Variants in SLC25A4 observed in about 807,000 individuals in gnomAD.
SLC25A4 encodes the protein ADP/ATP translocase 1.
A neutral mutation model predicts 24.7 loss-of-function variants in SLC25A4; 10 were observed. The ratio of observed to expected loss-of-function variants is 0.41; its 90% confidence interval spans 0.25 to 0.69. SLC25A4 has a LOEUF of 0.69. Ranked by LOEUF, SLC25A4 falls within the 30% of genes least tolerant of loss-of-function variation. The pLI is 0.35. For missense variants in SLC25A4, 273 were observed against 387.6 expected (o/e 0.70, Z 2.48); for synonymous variants, 125 against 153.3 (o/e 0.82, Z 1.36).
In SLC25A4 at chr4:185,143,269, C is replaced by T. The variant is rs975492300; in HGVS notation, c.-104C>T. ...GGGGAGCTGCGGGCCAGGCGGCGGC[C>T]CCCTAGCGTCGCGCAGGGTCGGGGA... On this transcript the variant is annotated 5_prime_UTR_variant, in exon 1 of 4. Coordinates refer to ENST00000281456, the MANE Select transcript of SLC25A4 (RefSeq NM_001151.4). 8 of 605,936 alleles carry T rather than the reference C, an allele frequency of 1.3e-5. No individual in the cohort carries two copies. Among genetic ancestry groups the T allele is most frequent in the Non-Finnish European group, 2.1e-5 (7 of 339,412 alleles). 37.5% of individuals were successfully genotyped at this position (605,936 alleles called of 1,614,324 possible). A position where few individuals can be genotyped will look rare whatever the true frequency, so the allele number is the denominator to read the frequency against.
At chr4:185,146,020 GGGAA>G (rs1299519199) in intron 3 of SLC25A4, 121 bp downstream of exon 3, 3 of 1,218,618 alleles carry the variant, frequency 2.5e-6, no homozygotes, top group Non-Finnish European at 3.5e-6. Context: ...TAAGGACTTA[GGGAA>G]GAAAGATGGT....
In SLC25A4 at chr4:185,145,270, G is replaced by T; in HGVS notation, c.598+20G>T. On this transcript the variant is annotated intron_variant, in intron 2 of 3. Transcript: ENST00000281456. The surrounding 1 kb of genome is among the most constrained non-coding windows in gnomAD (Gnocchi z 5.5). ...CCAAGGGTGAGAGAGGGGCATCGGG[G>T]AGAAGGAGGGTGGTGTGGAAAGAGG... 6.2e-7 allele frequency: 1 copy of T among 1,613,688 alleles called. No individual in the cohort carries two copies. Among genetic ancestry groups the T allele is most frequent in the Non-Finnish European group, 8.5e-7 (1 of 1,180,032 alleles).
rs749673836 is a variant in SLC25A4 at position 185,145,310 on chromosome 4, A to G, written c.598+60A>G. 2.1e-5 allele frequency: 34 copies of G among 1,609,878 alleles called. No individual in the cohort carries two copies. Among genetic ancestry groups the G allele is most frequent in the Non-Finnish European group, 2.7e-5 (32 of 1,179,650 alleles). ...GTGGAAAGAGGATCCTATGGGATCTATAACTCACAAAGGACCTGATATATA... is the reference window on the plus strand; with the variant it reads ...GTGGAAAGAGGATCCTATGGGATCTGTAACTCACAAAGGACCTGATATATA... On this transcript the variant is annotated intron_variant, in intron 2 of 3. Coordinates refer to ENST00000281456, the MANE Select transcript of SLC25A4 (RefSeq NM_001151.4). This position sits in a 1 kb window ranked among gnomAD's most constrained non-coding sequence, Gnocchi z 5.5.
Position 185,143,716 on chromosome 4 carries a change from TG to T in SLC25A4, c.111+234del, listed in dbSNP as rs531031431. Among the ~76,000 whole-genome samples, 21 of 145,952 alleles carry T rather than the reference TG, an allele frequency of 1.4e-4. No homozygotes were observed. In the South Asian group the frequency reaches 4.2e-3, roughly 29 times the overall value. On this transcript the variant is annotated intron_variant, in intron 1 of 3. Coordinates refer to ENST00000281456, the MANE Select transcript of SLC25A4 (RefSeq NM_001151.4). ...TGTCGGGTGGCGCCCGGCGTTCGGG[TG>T]TCTATATATGGAAACCCACCCGGAG...
In SLC25A4 at chr4:185,146,521, A is replaced by G. The variant is rs60894332; in HGVS notation, c.740-293A>G. ...AAAAAAGGTAACCGCGTAGCATAATACTCCTGCTCCACTGCGCCCTTCTTG... is the reference window on the plus strand; with the variant it reads ...AAAAAAGGTAACCGCGTAGCATAATGCTCCTGCTCCACTGCGCCCTTCTTG... On this transcript the variant is annotated intron_variant, in intron 3 of 3. Coordinates refer to ENST00000281456, the MANE Select transcript of SLC25A4 (RefSeq NM_001151.4). Among the ~76,000 whole-genome samples, 8,272 of 152,084 alleles carry G rather than the reference A, an allele frequency of 0.054. 268 individuals are homozygous for G. Among genetic ancestry groups the G allele is most frequent in the Middle Eastern group, 0.12 (34 of 294 alleles).
In SLC25A4 at chr4:185,143,390, G is replaced by T. The variant is rs1383623172; in HGVS notation, c.18G>T (p.Trp6Cys). MGDHA[W>C]SFLKDFLAGG... Reference sequence around the variant, plus strand: ...CTGTCACCATGGGTGATCACGCTTGGAGCTTCCTAAAGGACTTCCTGGCCG... The same window carrying T: ...CTGTCACCATGGGTGATCACGCTTGTAGCTTCCTAAAGGACTTCCTGGCCG... Residue 6 changes from tryptophan to cysteine, a missense_variant, in exon 1 of 4, where the codon TGG becomes TGT. Physicochemically the swap from Trp to Cys is radical, Grantham distance 215. Transcript: ENST00000281456. 2 of 1,530,308 alleles carry T rather than the reference G, an allele frequency of 1.3e-6. No homozygotes were observed. 94.8% of individuals were successfully genotyped at this position (1,530,308 alleles called of 1,614,324 possible). A position where few individuals can be genotyped will look rare whatever the true frequency, so the allele number is the denominator to read the frequency against.
At position 185,149,851 on chromosome 4, in the gene SLC25A4, T is replaced by TTTTGTA. The variant is rs1734507922; in HGVS notation, c.*2884_*2889dup. 6.6e-6 allele frequency: 1 copy of TTTTGTA among 152,190 alleles called. No individual in the cohort carries two copies. The highest frequency in any genetic ancestry group is 2.4e-5 in the African/African-American group (1 of 41,440). The allele number at this position is 152,190 out of a possible 1,614,324, so 9.4% of individuals were successfully genotyped here. On this transcript the variant is annotated 3_prime_UTR_variant, in exon 4 of 4. Coordinates refer to ENST00000281456, the MANE Select transcript of SLC25A4 (RefSeq NM_001151.4). ...CATTTTACATCTTTTTAAGACCTTA[T>TTTTGTA]TTTGTATTTTAAATGTATGAGAAAA...
At position 185,150,253 on chromosome 4, in the gene SLC25A4, A is replaced by C. The variant is rs1017307771; in HGVS notation, c.*3282A>C. 6.6e-6 allele frequency: 1 copy of C among 152,270 alleles called. No individual in the cohort carries two copies. The highest frequency in any genetic ancestry group is 2.4e-5 in the African/African-American group (1 of 41,478). 9.4% of individuals were successfully genotyped at this position (152,270 alleles called of 1,614,324 possible). ...GGAAAGGGTTTCATCAGTTCGGGTGAAATCTTGAACGTGCAAAGCACCATG... is the reference window on the plus strand; with the variant it reads ...GGAAAGGGTTTCATCAGTTCGGGTGCAATCTTGAACGTGCAAAGCACCATG... On this transcript the variant is annotated 3_prime_UTR_variant, in exon 4 of 4. Coordinates refer to ENST00000281456, the MANE Select transcript of SLC25A4 (RefSeq NM_001151.4).
chr4:185,143,844 G>A (rs986490394), intron 1 of SLC25A4, among the ~76,000 whole-genome samples: 4 of 152,254 alleles, frequency 2.6e-5, no homozygotes, highest in South Asian at 4.1e-4. Flanking sequence ...CGTCTTATGC[G>A]CACGCACCTT....
intron 1 of SLC25A4, 144 bp downstream of exon 1, chr4:185,143,627 GC>G (rs1417453646): frequency 1.8e-5 from 1 of 56,276 alleles, no homozygotes; most frequent in East Asian, 4.2e-4. Context: ...CCGCCCGCCC[GC>G]CCGCGGGGGA....
intron 1 of SLC25A4, among the ~76,000 whole-genome samples, chr4:185,143,999 T>C (rs1283026695): frequency 6.6e-6 from 1 of 152,162 alleles, no homozygotes; most frequent in African/African-American, 2.4e-5. Flanking sequence ...GAAGCTGAGG[T>C]TTTGAAATAT....
At position 185,145,962 on chromosome 4, in the gene SLC25A4, G is replaced by T. The variant is rs769173932; in HGVS notation, c.739+63G>T. The T allele has an allele frequency of 1.9e-6, 3 of 1,572,422 alleles. No homozygotes were observed. Among genetic ancestry groups the T allele is most frequent in the Non-Finnish European group, 2.6e-6 (3 of 1,146,146 alleles). On this transcript the variant is annotated intron_variant, in intron 3 of 3. Coordinates refer to ENST00000281456, the MANE Select transcript of SLC25A4 (RefSeq NM_001151.4). This position sits in a 1 kb window ranked among gnomAD's most constrained non-coding sequence, Gnocchi z 5.5. ...TTGCCCGAGGAGAACATTTTACAGGGCTCCTTTCAGTCTTCCTTACTGGAA... is the reference window on the plus strand; with the variant it reads ...TTGCCCGAGGAGAACATTTTACAGGTCTCCTTTCAGTCTTCCTTACTGGAA...
chr4:185,150,010 T>C lies in SLC25A4; in HGVS notation c.*3039T>C, dbSNP rs1482770895. On this transcript the variant is annotated 3_prime_UTR_variant, in exon 4 of 4. Transcript: ENST00000281456. ...CGACTGCTCCCGTTCCATTTTATTC[T>C]GTAAAATATGTGGCATCCTTTGTGT... 3 of 152,278 alleles carry C rather than the reference T, an allele frequency of 2.0e-5. No individual in the cohort carries two copies. The highest frequency in any genetic ancestry group is 7.2e-5 in the African/African-American group (3 of 41,476). 9.4% of individuals were successfully genotyped at this position (152,278 alleles called of 1,614,324 possible).
rs1340863952 is a variant in SLC25A4 at position 185,146,975 on chromosome 4, A to C, written c.*4A>C. ...TGAGATCAAAAAATATGTCTAATGT[A>C]ATTAAAACACAAGTTCACAGATTTA... On this transcript the variant is annotated 3_prime_UTR_variant, in exon 4 of 4. Coordinates refer to ENST00000281456, the MANE Select transcript of SLC25A4 (RefSeq NM_001151.4). 2.5e-6 allele frequency: 4 copies of C among 1,613,150 alleles called. No homozygotes were observed. In the African/African-American group the frequency reaches 5.3e-5, roughly 22 times the overall value.
Position 185,145,719 on chromosome 4 carries a change from G to T in SLC25A4, c.599-40G>T, listed in dbSNP as rs370794518. On this transcript the variant is annotated intron_variant, in intron 2 of 3. Coordinates refer to ENST00000281456, the MANE Select transcript of SLC25A4 (RefSeq NM_001151.4). This position sits in a 1 kb window ranked among gnomAD's most constrained non-coding sequence, Gnocchi z 5.5. Reference sequence around the variant, plus strand: ...CTCCACCTGCTTTCTGCTGAGAACAGGCACTTCATAGCCGTTCGGCTTCTG... The same window carrying T: ...CTCCACCTGCTTTCTGCTGAGAACATGCACTTCATAGCCGTTCGGCTTCTG... The T allele has an allele frequency of 3.1e-6, 5 of 1,612,902 alleles. No individual in the cohort carries two copies. The African/African-American group carries it at 6.7e-5, about 22-fold the overall frequency.
chr4:185,143,328 A>G lies in SLC25A4; in HGVS notation c.-45A>G. On this transcript the variant is annotated 5_prime_UTR_variant, in exon 1 of 4. Coordinates refer to ENST00000281456, the MANE Select transcript of SLC25A4 (RefSeq NM_001151.4). ...CGGTGCCAGGCCGGGCGTGGGCGAG[A>G]GCACGAACGGGCTGCCTGCGGGCTG... The G allele has an allele frequency of 8.4e-7, 1 of 1,197,202 alleles. No individual in the cohort carries two copies. The highest frequency in any genetic ancestry group is 1.2e-6 in the Non-Finnish European group (1 of 840,744). The allele number at this position is 1,197,202 out of a possible 1,614,324, so 74.2% of individuals were successfully genotyped here. A position where few individuals can be genotyped will look rare whatever the true frequency, so the allele number is the denominator to read the frequency against.
chr4:185,145,864 G>A lies in SLC25A4; in HGVS notation c.704G>A (p.Arg235His), dbSNP rs1553967679. Residue 235 changes from arginine to histidine, a missense_variant, in exon 3 of 4, where the codon CGT (arginine) becomes CAT (histidine). Transcript: ENST00000281456. The surrounding 1 kb of genome is among the most constrained non-coding windows in gnomAD (Gnocchi z 5.5). ...GTGTCCTACCCCTTTGACACTGTTCGTCGTAGAATGATGATGCAGTCCGGC... is the reference window on the plus strand; with the variant it reads ...GTGTCCTACCCCTTTGACACTGTTCATCGTAGAATGATGATGCAGTCCGGC... ...GLVSYPFDTV[R>H]RRMMMQSGRK... is the part of the protein sequence containing the mutation. 6.2e-7 allele frequency: 1 copy of A among 1,614,222 alleles called. No homozygotes were observed. The highest frequency in any genetic ancestry group is 8.5e-7 in the Non-Finnish European group (1 of 1,180,038).
At position 185,145,474 on chromosome 4, in the gene SLC25A4, G is replaced by T. The variant is rs143179742; in HGVS notation, c.598+224G>T. 6,113 of 722,168 alleles carry T rather than the reference G, an allele frequency of 8.5e-3. 43 individuals carry two copies. Among genetic ancestry groups the T allele is most frequent in the Non-Finnish European group, 0.011 (5,101 of 446,800 alleles). The allele number at this position is 722,168 out of a possible 1,614,324, so 44.7% of individuals were successfully genotyped here. ...CCTTTAGTTATTCAGAGAGGAGGAG[G>T]GGGGAGCCTGTCTCCCTCTAGACAC... On this transcript the variant is annotated intron_variant, in intron 2 of 3. Coordinates refer to ENST00000281456, the MANE Select transcript of SLC25A4 (RefSeq NM_001151.4). The surrounding 1 kb of genome is among the most constrained non-coding windows in gnomAD (Gnocchi z 5.5).
chr4:185,145,142 A>G lies in SLC25A4; in HGVS notation c.490A>G (p.Ile164Val), dbSNP rs143511445. The G allele has an allele frequency of 3.0e-4, 480 of 1,612,952 alleles. 1 individual carries two copies. In the African/African-American group the frequency reaches 5.8e-3, roughly 20 times the overall value. Residue 164 changes from isoleucine (I) to valine (V), a missense_variant, in exon 2 of 4, where the codon ATC becomes GTC. Coordinates refer to ENST00000281456, the MANE Select transcript of SLC25A4 (RefSeq NM_001151.4). This position sits in a 1 kb window ranked among gnomAD's most constrained non-coding sequence, Gnocchi z 5.5. ...FHGLGDCIIK[I>V]FKSDGLRGLY... ...TGGTCTGGGCGACTGTATCATCAAG[A>G]TCTTCAAGTCTGATGGCCTGAGGGG...
Sources: gnomAD v4.1 joint callset for allele counts (sites outside exome capture counted in the v4.1 genomes callset) on GRCh38, gnomAD v4.1.1 for gene constraint, Gnocchi (gnomAD v3.1) non-coding constraint, MANE v1.5 for transcripts, NCBI Gene and HGNC (gene_info 2026-07-23, HGNC 2026-07-21) for gene names.